The following ZDHHC7 variants were observed in gnomAD, a reference collection of about 807,000 sequenced individuals.
ZDHHC7 encodes the protein zDHHC palmitoyltransferase 7.
A neutral mutation model predicts 34.1 loss-of-function variants in ZDHHC7; 12 were observed. The ratio of observed to expected loss-of-function variants is 0.35; its 90% CI spans 0.23 to 0.57. The LOEUF (loss-of-function observed/expected upper bound fraction) is 0.57, where lower values mean the gene tolerates loss of function less well. Among genes scored for constraint, ZDHHC7 ranks in the 20% least tolerant of loss-of-function variants. The pLI, the probability that ZDHHC7 is intolerant of heterozygous loss-of-function variation, is 0.84. For synonymous variants in ZDHHC7, 185 were observed against 155.4 expected (o/e 1.19, Z -1.42); for missense variants, 388 against 402.7 (o/e 0.96, Z 0.31).
intron 2 of ZDHHC7, among the ~76,000 whole-genome samples, chr16:84,993,856 G>A (rs557436704): frequency 3.3e-5 from 5 of 152,232 alleles, no homozygotes; most frequent in Admixed American, 3.3e-4. Flanking sequence ...TCACCCTGCA[G>A]GGCCTAACTT....
chr16:85,018,594 A>T, the ZDHHC7 span, among the ~76,000 whole-genome samples: 1 of 151,986 alleles, frequency 6.6e-6, no homozygotes, highest in Admixed American at 6.6e-5. Flanking sequence ...ATTACAGGCA[A>T]GTGCCACCAC....
At chr16:84,976,632 T>G (rs1379090268) in intron 7 of ZDHHC7, 113 bp from the exon 8 acceptor site, 2 of 1,371,236 alleles carry the variant, frequency 1.5e-6, no homozygotes, top group East Asian at 5.0e-5. Flanking sequence ...GGAGGGTAGG[T>G]GAGTGAACTC....
At chr16:84,981,138 C>T (rs1050151653) in intron 4 of ZDHHC7, among the ~76,000 whole-genome samples, 3 of 152,138 alleles carry the variant, frequency 2.0e-5, no homozygotes, top group Non-Finnish European at 4.4e-5. Flanking sequence ...CACTTCAACA[C>T]GTGAAATCAA....
At chr16:85,023,514 A>T in the ZDHHC7 span, among the ~76,000 whole-genome samples, 2 of 152,186 alleles carry the variant, frequency 1.3e-5, no homozygotes, top group African/African-American at 4.8e-5. Context: ...GTTACAAACA[A>T]AGGAAAAATA....
the ZDHHC7 span, among the ~76,000 whole-genome samples, chr16:85,027,533 A>G: frequency 6.6e-6 from 1 of 152,164 alleles, no homozygotes; most frequent in Non-Finnish European, 1.5e-5. Context: ...CACTCCTCCC[A>G]GAGTCCGAGA....
chr16:85,022,422 C>T, the ZDHHC7 span, among the ~76,000 whole-genome samples: 3 of 152,046 alleles, frequency 2.0e-5, no homozygotes, highest in Admixed American at 1.3e-4. Flanking sequence ...ACTTGGGAGA[C>T]TGAGGCAGGA....
rs186503064 is a variant in ZDHHC7, at chr16:85,002,918, G to A, written c.-103-6911C>T. Among the ~76,000 whole-genome samples the A allele has an allele frequency of 2.0e-5, 3 of 151,488 alleles. No homozygotes were observed. The East Asian group carries it at 5.9e-4, about 30-fold the overall frequency. On this transcript the variant is annotated intron_variant, in intron 1 of 7. Transcript: ENST00000313732. ...CAAAATGGAAATGGGGTGGAGAGGCGGCGGCCAAGAGGGGCCTGAACTGTC... is the reference window on the plus strand; with the variant it reads ...CAAAATGGAAATGGGGTGGAGAGGCAGCGGCCAAGAGGGGCCTGAACTGTC...
intron 4 of ZDHHC7, 37 bp downstream of exon 4, chr16:84,981,833 G>C (rs750908568): frequency 3.1e-6 from 5 of 1,612,942 alleles, no homozygotes; most frequent in South Asian, 1.1e-5. Flanking sequence ...ACCCGCAGTG[G>C]CGGATGCGCT....
intron 1 of ZDHHC7, among the ~76,000 whole-genome samples, chr16:85,002,787 C>T (rs977005202): frequency 6.6e-6 from 1 of 151,950 alleles, no homozygotes; most frequent in Non-Finnish European, 1.5e-5. Context: ...AGGGGAAACC[C>T]GGGCATGAAG....
chr16:85,015,391 A>G (rs2072829970), upstream of ZDHHC7, among the ~76,000 whole-genome samples: 1 of 152,104 alleles, frequency 6.6e-6, no homozygotes, highest in Non-Finnish European at 1.5e-5. Context: ...GTGAGCCACC[A>G]CGCACGGCCT....
At chr16:85,000,617 C>G (rs2143709834) in intron 1 of ZDHHC7, among the ~76,000 whole-genome samples, 1 of 152,310 alleles carries the variant, frequency 6.6e-6, no homozygotes, top group South Asian at 2.1e-4. Context: ...TGTTCATACA[C>G]CCACTTCAGC....
Position 84,977,978 on chromosome 16 carries a change from C to T in ZDHHC7, c.565G>A (p.Ala189Thr), listed in dbSNP as rs1484696918. The change falls in exon 6 of 8, where the codon GCT (alanine) becomes ACT (threonine). Residue 189 changes from alanine (A) to threonine (T), a missense_variant. Physicochemically the swap from Ala to Thr is moderately conservative, Grantham distance 58. Coordinates refer to ENST00000313732, the MANE Select transcript of ZDHHC7 (RefSeq NM_017740.3). Reference protein sequence around the residue: ...TMYIALSSVHALILCGFQFIS... With the variant: ...TMYIALSSVHTLILCGFQFIS... ...AACTGAAATCCACAAAGGATCAGAG[C>T]ATGGACTGAAGACAGAGCTATATAC... 1 of 1,613,994 alleles carries T rather than the reference C, an allele frequency of 6.2e-7. No homozygotes were observed. The highest frequency in any genetic ancestry group is 1.7e-5 in the Admixed American group (1 of 60,010).
In ZDHHC7 at chr16:85,007,648, G is replaced by A. The variant is rs535146010; in HGVS notation, c.-104+3638C>T. Among the ~76,000 whole-genome samples the A allele has an allele frequency of 6.6e-5, 10 of 152,034 alleles. No individual in the cohort carries two copies. The East Asian group carries it at 1.5e-3, about 23-fold the overall frequency. ...AAGGAGGGACTGTCTCTTCCTCAGA[G>A]GCAAAGCAGAAGAAAATGACTGATG... is the stretch of plus-strand genomic sequence containing the variant. On this transcript the variant is annotated intron_variant, in intron 1 of 7. Coordinates refer to ENST00000313732, the MANE Select transcript of ZDHHC7 (RefSeq NM_017740.3).
chr16:84,975,181 G>A lies in ZDHHC7; in HGVS notation c.*1162C>T, dbSNP rs1212593372. On this transcript the variant is annotated 3_prime_UTR_variant, in exon 8 of 8. Coordinates refer to ENST00000313732, the MANE Select transcript of ZDHHC7 (RefSeq NM_017740.3). The stretch of plus-strand genomic sequence containing the variant: ...CGTGGGTGGAGAAGAAAACGTAAAA[G>A]CTAACCAAAAACTCCAACAAGAGGG... 6.5e-6 allele frequency: 1 copy of A among 152,682 alleles called. No individual in the cohort carries two copies. Among genetic ancestry groups the A allele is most frequent in the Non-Finnish European group, 1.5e-5 (1 of 68,076 alleles). The allele number at this position is 152,682 out of a possible 1,614,324, so 9.5% of individuals were successfully genotyped here.
chr16:85,017,756 G>C, the ZDHHC7 span, among the ~76,000 whole-genome samples: 1 of 152,184 alleles, frequency 6.6e-6, no homozygotes, highest in African/African-American at 2.4e-5. Context: ...ACTGTCGTGA[G>C]AAGGAATTTA....
chr16:84,977,920 T>A lies in ZDHHC7; in HGVS notation c.619+4A>T, dbSNP rs1225654171. Reference sequence around the variant, plus strand: ...CAGGAATGACACATAGCCAGGGAACTTACCAGTCCACTGCCCTCGGACACA... The same window carrying A: ...CAGGAATGACACATAGCCAGGGAACATACCAGTCCACTGCCCTCGGACACA... On this transcript the variant is annotated splice_donor_region_variant and intron_variant, in intron 6 of 7. Coordinates refer to ENST00000313732, the MANE Select transcript of ZDHHC7 (RefSeq NM_017740.3). The A allele has an allele frequency of 6.2e-7, 1 of 1,612,428 alleles. No homozygotes were observed. The highest frequency in any genetic ancestry group is 8.5e-7 in the Non-Finnish European group (1 of 1,178,860).
At chr16:85,027,623 G>C in the ZDHHC7 span, 2 of 152,128 alleles carry the variant, frequency 1.3e-5, no homozygotes, top group Non-Finnish European at 1.5e-5. Context: ...GGCAGGCCTC[G>C]GGCCCCTCAG....
rs1004165983 is a variant in ZDHHC7, at chr16:84,975,640, T to G, written c.*703A>C. The G allele has an allele frequency of 6.5e-6, 1 of 152,678 alleles. No homozygotes were observed. The highest frequency in any genetic ancestry group is 1.5e-5 in the Non-Finnish European group (1 of 68,058). 9.5% of individuals were successfully genotyped at this position (152,678 alleles called of 1,614,324 possible). On this transcript the variant is annotated 3_prime_UTR_variant, in exon 8 of 8. Transcript: ENST00000313732. ...TCCCCTCTTCCCTGAAACGTCGGTT[T>G]CTAAAAAATAGCTTGTTTGCTGTAC...
At chr16:85,008,298 T>C (rs919793332) in intron 1 of ZDHHC7, among the ~76,000 whole-genome samples, 1 of 151,976 alleles carries the variant, frequency 6.6e-6, no homozygotes, top group African/African-American at 2.4e-5. Context: ...CATGCCTGCA[T>C]AATGGGGCCT....
Sources: allele counts gnomAD v4.1 joint callset (sites outside exome capture counted in the v4.1 genomes callset), GRCh38; gene constraint gnomAD v4.1.1; transcripts MANE v1.5; gene names NCBI Gene and HGNC (gene_info 2026-07-23, HGNC 2026-07-21).